Variants in SNX9 observed in about 807,000 individuals in gnomAD.
SNX9 encodes the protein sorting nexin 9.
Under a neutral mutation model 89.4 loss-of-function variants are expected in SNX9, and 44 were observed. The ratio of observed to expected loss-of-function variants is 0.49; its 90% CI spans 0.39 to 0.63. The LOEUF is 0.63. Ranked by LOEUF, SNX9 falls within the 30% of genes least tolerant of loss-of-function variation. The pLI, the probability that SNX9 is intolerant of heterozygous loss-of-function variation, is 0.00. For missense variants in SNX9, 578 were observed against 736.1 expected (o/e 0.79, Z 2.49); for synonymous variants, 236 against 247.8 (o/e 0.95, Z 0.45).
In SNX9 at chr6:157,935,225, T is replaced by G. The variant is rs370508681; in HGVS notation, c.1367-739T>G. 1.4e-4 allele frequency among the ~76,000 whole-genome samples: 22 copies of G among 152,306 alleles called. 1 individual carries two copies. The South Asian group carries it at 4.6e-3, about 32-fold the overall frequency. Reference sequence around the variant, plus strand: ...GGAAAGTTGATCCTTATGGAAGTATTTCAGCTAATAAAGAAGGAATGGTAG... The same window carrying G: ...GGAAAGTTGATCCTTATGGAAGTATGTCAGCTAATAAAGAAGGAATGGTAG... On this transcript the variant is annotated intron_variant, in intron 13 of 17. Transcript: ENST00000392185.
Position 157,826,799 on chromosome 6 carries a change from T to TTATATTTTATATA in SNX9, c.12+3356_12+3368dup, listed in dbSNP as rs1781356954. On this transcript the variant is annotated intron_variant, in intron 1 of 17. Transcript: ENST00000392185. ...AAATATATTATATTATATATATATA[T>TTATATTTTATATA]TATATTTTATATATAAATATATATT... 2.0e-5 allele frequency among the ~76,000 whole-genome samples: 2 copies of TTATATTTTATATA among 102,078 alleles called. 1 individual carries two copies. Among genetic ancestry groups the TTATATTTTATATA allele is most frequent in the African/African-American group, 1.2e-4 (2 of 16,926 alleles). The allele number at this position is 102,078 out of a possible 152,430, so 67.0% of individuals were successfully genotyped here. A position where few individuals can be genotyped will look rare whatever the true frequency, so the allele number is the denominator to read the frequency against.
At chr6:157,836,623 T>TA (rs1781588352) in intron 1 of SNX9, among the ~76,000 whole-genome samples, 1 of 151,604 alleles carries the variant, frequency 6.6e-6, no homozygotes, top group African/African-American at 2.4e-5. Context: ...TACAGAGTCT[T>TA]ACTCTCGCCC....
chr6:157,883,923 G>T (rs1489747862), intron 4 of SNX9, among the ~76,000 whole-genome samples: 3 of 152,074 alleles, frequency 2.0e-5, no homozygotes, highest in Admixed American at 6.5e-5. Context: ...TCTATTCCCA[G>T]TGACCTATAA....
At chr6:157,930,391 C>CT (rs1783786576) in intron 12 of SNX9, among the ~76,000 whole-genome samples, 1 of 152,158 alleles carries the variant, frequency 6.6e-6, no homozygotes, top group Non-Finnish European at 1.5e-5. Flanking sequence ...TGTGTCAAGA[C>CT]TTTAGTCATA....
chr6:157,857,914 A>T (rs1373783075), intron 1 of SNX9, among the ~76,000 whole-genome samples: 2 of 152,204 alleles, frequency 1.3e-5, no homozygotes, highest in Non-Finnish European at 2.9e-5. Context: ...AATACTTTGT[A>T]TTTCTTACAG....
chr6:157,880,862 ATC>A (rs1276310579), intron 4 of SNX9, among the ~76,000 whole-genome samples: 1 of 152,232 alleles, frequency 6.6e-6, no homozygotes, highest in African/African-American at 2.4e-5. Context: ...GCTGCTTAGC[ATC>A]TCTGTGCCTC....
At chr6:157,859,174 TAAA>T (rs1782070108) in intron 1 of SNX9, among the ~76,000 whole-genome samples, 1 of 152,246 alleles carries the variant, frequency 6.6e-6, no homozygotes, top group East Asian at 1.9e-4. Flanking sequence ...CAGTTAAAAT[TAAA>T]TGATATGAAA....
chr6:157,860,769 A>AGT (rs912115105), intron 1 of SNX9, among the ~76,000 whole-genome samples: 10 of 152,210 alleles, frequency 6.6e-5, no homozygotes, highest in Admixed American at 4.6e-4. Context: ...CTACAGAGAG[A>AGT]GGGAGAGCAG....
At chr6:157,901,143 C>T (rs1223160393) in intron 5 of SNX9, among the ~76,000 whole-genome samples, 1 of 152,232 alleles carries the variant, frequency 6.6e-6, no homozygotes, top group Non-Finnish European at 1.5e-5. Flanking sequence ...GGAAGCACAT[C>T]ACATGCTGTT....
At chr6:157,933,050 T>C (rs1783847620) in intron 13 of SNX9, among the ~76,000 whole-genome samples, 1 of 152,050 alleles carries the variant, frequency 6.6e-6, no homozygotes. Flanking sequence ...GCAGCACTTA[T>C]GAGAGCAAGT....
chr6:157,835,412 C>CTTTT (rs757017383), intron 1 of SNX9, among the ~76,000 whole-genome samples: 1 of 130,716 alleles, frequency 7.7e-6, no homozygotes, highest in African/African-American at 2.8e-5. Context: ...CATTCCCCTT[C>CTTTT]TTTTTTTTTT....
intron 1 of SNX9, among the ~76,000 whole-genome samples, chr6:157,856,124 T>A (rs1424015591): frequency 6.6e-6 from 1 of 152,240 alleles, no homozygotes; most frequent in Admixed American, 6.5e-5. Context: ...GAGACATTTC[T>A]CCCATTCTCC....
intron 1 of SNX9, among the ~76,000 whole-genome samples, chr6:157,843,975 A>T (rs4709653): frequency 6.7e-6 from 1 of 150,254 alleles, no homozygotes; most frequent in Non-Finnish European, 1.5e-5. Context: ...CCCAGGTTCA[A>T]GCAATTTTCC....
intron 6 of SNX9, among the ~76,000 whole-genome samples, chr6:157,903,950 C>T (rs1263352002): frequency 6.6e-6 from 1 of 152,100 alleles, no homozygotes; most frequent in Non-Finnish European, 1.5e-5. Flanking sequence ...GATTTAACAC[C>T]CTGTGTATTT....
chr6:157,938,925 C>G (rs1446159074), intron 16 of SNX9, among the ~76,000 whole-genome samples, 178 bp downstream of exon 16: 1 of 152,170 alleles, frequency 6.6e-6, no homozygotes, highest in Non-Finnish European at 1.5e-5. Flanking sequence ...TAATTTTTCA[C>G]CTGTCCACCT....
At position 157,830,779 on chromosome 6, in the gene SNX9, C is replaced by T. The variant is rs548357800; in HGVS notation, c.12+7333C>T. ...TAGGTGAGTGCAGCTCTAGAAAATTCTCAGCGGTTATTCATGAAAATTGCC... is the reference window on the plus strand; with the variant it reads ...TAGGTGAGTGCAGCTCTAGAAAATTTTCAGCGGTTATTCATGAAAATTGCC... On this transcript the variant is annotated intron_variant, in intron 1 of 17. Coordinates refer to ENST00000392185, the MANE Select transcript of SNX9 (RefSeq NM_016224.5). Among the ~76,000 whole-genome samples the T allele has an allele frequency of 3.3e-5, 5 of 152,272 alleles. No individual in the cohort carries two copies. In the South Asian group the frequency reaches 1.0e-3, roughly 32 times the overall value.
intron 4 of SNX9, among the ~76,000 whole-genome samples, chr6:157,885,956 G>C (rs1782727475): frequency 6.6e-6 from 1 of 152,192 alleles, no homozygotes; most frequent in African/African-American, 2.4e-5. Flanking sequence ...ACGGAAAGCA[G>C]CTTTAATTAA....
chr6:157,886,223 T>A (rs1782733041), intron 4 of SNX9, among the ~76,000 whole-genome samples: 1 of 152,044 alleles, frequency 6.6e-6, no homozygotes. Context: ...TTTTTTGTTG[T>A]CAGAAGTAGG....
intron 13 of SNX9, among the ~76,000 whole-genome samples, chr6:157,933,175 T>G (rs997324655): frequency 1.3e-5 from 2 of 152,144 alleles, no homozygotes; most frequent in Non-Finnish European, 2.9e-5. Flanking sequence ...ACACCTGTAG[T>G]CTCAGCTGTT....
Sources: allele counts gnomAD v4.1 joint callset (sites outside exome capture counted in the v4.1 genomes callset), GRCh38; gene constraint gnomAD v4.1.1; transcripts MANE v1.5; gene names NCBI Gene and HGNC (gene_info 2026-07-23, HGNC 2026-07-21).